CSMD1: variants seen among roughly 807,000 people sequenced by gnomAD.
The protein encoded by CSMD1 is CUB and Sushi multiple domains 1, also known as CUB and sushi domain-containing protein 1.
Under a neutral mutation model 417.5 loss-of-function variants are expected in CSMD1, and 213 were observed. The ratio of observed to expected loss-of-function variants is 0.51; its 90% confidence interval spans 0.46 to 0.57. The LOEUF is 0.57. Among genes scored for constraint, CSMD1 ranks in the 20% least tolerant of loss-of-function variants. The pLI, the probability that CSMD1 is intolerant of heterozygous loss-of-function variation, is 0.00. For synonymous variants in CSMD1, 2,862 were observed against 1,736.8 expected (o/e 1.65, Z -16.11); for missense variants, 6,923 against 4,529.7 (o/e 1.53, Z -15.17).
intron 2 of CSMD1, among the ~76,000 whole-genome samples, chr8:4,604,339 T>G (rs896635393): frequency 1.9e-4 from 29 of 150,944 alleles, no homozygotes; most frequent in African/African-American, 6.8e-4. Context: ...ATACAATATA[T>G]ATATAATATA....
chr8:4,391,296 T>C (rs1049755126), intron 3 of CSMD1, among the ~76,000 whole-genome samples: 5 of 152,188 alleles, frequency 3.3e-5, no homozygotes, highest in Middle Eastern at 3.2e-3. Flanking sequence ...ACTCTACCCT[T>C]TCTTCTCTTA....
intron 46 of CSMD1, among the ~76,000 whole-genome samples, chr8:3,101,139 C>T (rs549854626): frequency 1.3e-5 from 2 of 150,704 alleles, no homozygotes; most frequent in South Asian, 2.1e-4. Context: ...AGAAACCTGA[C>T]GTTGAAGACC....
chr8:4,490,172 C>G (rs1801631458), intron 2 of CSMD1, among the ~76,000 whole-genome samples: 1 of 151,666 alleles, frequency 6.6e-6, no homozygotes, highest in African/African-American at 2.4e-5. Context: ...TCTCAGGTAG[C>G]TGGGATTACA....
rs567195076 is a variant in CSMD1 at position 3,487,226 on chromosome 8, G to C, written c.1448+6397C>G. ...TTTTATTTATTTAGTTTTTGAGACA[G>C]AGTCTAGCTCTGTCTCCCAGGCTGG... On this transcript the variant is annotated intron_variant, in intron 11 of 69. Coordinates refer to ENST00000635120, the MANE Select transcript of CSMD1 (RefSeq NM_033225.6). Among the ~76,000 whole-genome samples the C allele has an allele frequency of 9.2e-5, 14 of 152,176 alleles. No individual in the cohort carries two copies. The East Asian group carries it at 9.7e-4, about 11-fold the overall frequency.
intron 50 of CSMD1, among the ~76,000 whole-genome samples, chr8:3,047,669 C>G (rs73488446): frequency 0.04 from 6,065 of 152,322 alleles, 413 homozygotes; most frequent in African/African-American, 0.14. Flanking sequence ...CAACCAACGA[C>G]TTAAAACCTA....
intron 3 of CSMD1, among the ~76,000 whole-genome samples, chr8:4,241,367 G>C (rs951743523): frequency 6.6e-6 from 1 of 152,174 alleles, no homozygotes; most frequent in African/African-American, 2.4e-5. Flanking sequence ...TCGAGTAGCA[G>C]GTCCTCAGGG....
chr8:4,629,333 T>G (rs188682093), intron 2 of CSMD1, among the ~76,000 whole-genome samples: 1 of 152,308 alleles, frequency 6.6e-6, no homozygotes, highest in East Asian at 1.9e-4. Flanking sequence ...GTTACTAAAA[T>G]GTGAAGGTAT....
chr8:4,727,505 C>A (rs1029291471), intron 1 of CSMD1, among the ~76,000 whole-genome samples: 1 of 152,114 alleles, frequency 6.6e-6, no homozygotes, highest in Non-Finnish European at 1.5e-5. Flanking sequence ...TTTCAAAAAG[C>A]AAGTGAAATA....
chr8:4,553,666 C>G (rs1797968610), intron 2 of CSMD1, among the ~76,000 whole-genome samples: 1 of 152,182 alleles, frequency 6.6e-6, no homozygotes. Context: ...TCATAACTAT[C>G]TTCAGCACAT....
chr8:3,408,502 G>T (rs1198429777), intron 13 of CSMD1, among the ~76,000 whole-genome samples: 1 of 147,334 alleles, frequency 6.8e-6, no homozygotes, highest in African/African-American at 2.7e-5. Context: ...CTGAAAACGT[G>T]TGCCAAATAT....
chr8:4,108,169 T>C (rs1801668924), intron 3 of CSMD1, among the ~76,000 whole-genome samples: 1 of 151,974 alleles, frequency 6.6e-6, no homozygotes, highest in South Asian at 2.1e-4. Context: ...GTTTTATTTT[T>C]ATTAAGTTGT....
chr8:3,687,800 C>T (rs1585077270), intron 7 of CSMD1, among the ~76,000 whole-genome samples: 1 of 152,198 alleles, frequency 6.6e-6, no homozygotes, highest in Non-Finnish European at 1.5e-5. Flanking sequence ...CTTTGCTCCA[C>T]TTAAGTCTCT....
intron 1 of CSMD1, among the ~76,000 whole-genome samples, chr8:4,874,460 A>C (rs1357713934): frequency 7.0e-6 from 1 of 142,376 alleles, no homozygotes; most frequent in Non-Finnish European, 1.5e-5. Context: ...TCCATTCTCG[A>C]CTCACTGCAA....
intron 2 of CSMD1, among the ~76,000 whole-genome samples, chr8:4,446,265 C>T (rs1037531595): frequency 3.9e-5 from 6 of 152,162 alleles, no homozygotes; most frequent in Non-Finnish European, 8.8e-5. Flanking sequence ...AGAGTGGACC[C>T]AGCTGGGAGT....
chr8:4,316,139 C>A (rs6993554), intron 3 of CSMD1, among the ~76,000 whole-genome samples: 122,767 of 152,182 alleles, frequency 0.81, 49,679 homozygotes, highest in Middle Eastern at 0.87. Context: ...CAAAAACCTT[C>A]AACAATCCAA....
chr8:3,105,096 T>C (rs1382571701), intron 46 of CSMD1, among the ~76,000 whole-genome samples: 1 of 152,224 alleles, frequency 6.6e-6, no homozygotes, highest in East Asian at 1.9e-4. Flanking sequence ...AAAACTTCCA[T>C]TTACAGGGAA....
chr8:4,717,358 T>C (rs563000845), intron 1 of CSMD1, among the ~76,000 whole-genome samples: 4 of 144,792 alleles, frequency 2.8e-5, no homozygotes, highest in Non-Finnish European at 5.9e-5. Context: ...CACACACATA[T>C]ATACACACAT....
chr8:3,197,945 C>A (rs1009343671), intron 33 of CSMD1, among the ~76,000 whole-genome samples: 6 of 152,086 alleles, frequency 3.9e-5, no homozygotes, highest in Non-Finnish European at 8.8e-5. Context: ...TCTGCATAAA[C>A]ACACTAGTAG....
At chr8:4,101,066 G>GA (rs1212109337) in intron 3 of CSMD1, among the ~76,000 whole-genome samples, 1 of 152,154 alleles carries the variant, frequency 6.6e-6, no homozygotes, top group Non-Finnish European at 1.5e-5. Flanking sequence ...TGCCAGAGAC[G>GA]AGACGGCGCT....
Sources: gnomAD v4.1 joint callset for allele counts (sites outside exome capture counted in the v4.1 genomes callset) on GRCh38, gnomAD v4.1.1 for gene constraint, MANE v1.5 for transcripts, NCBI Gene and HGNC (gene_info 2026-07-23, HGNC 2026-07-21) for gene names.